ENPP3: variants seen among roughly 807,000 people sequenced by gnomAD.
ENPP3 encodes the protein ectonucleotide pyrophosphatase/phosphodiesterase family member 3.
Under a neutral mutation model 117.8 loss-of-function variants are expected in ENPP3, and 104 were observed. That is an observed-to-expected ratio of 0.88 (90% CI 0.75 to 1.04). The LOEUF is 1.04. Ranked by LOEUF, ENPP3 falls within the 50% of genes least tolerant of loss-of-function variation. The pLI, the probability that ENPP3 is intolerant of heterozygous loss-of-function variation, is 0.00. For synonymous variants in ENPP3, 380 were observed against 349.9 expected, an observed-to-expected ratio of 1.09 and a Z score of -0.96; for missense variants, 1,026 against 1,051.9, an observed-to-expected ratio of 0.98 and a Z score of 0.34.
intron 4 of ENPP3, 51 bp from the exon 5 acceptor site, chr6:131,652,780 A>G (rs1227966590): frequency 1.9e-6 from 3 of 1,586,700 alleles, no homozygotes; most frequent in Non-Finnish European, 2.6e-6. Flanking sequence ...ATCTTTAGTT[A>G]CTCTGTCTGT....
chr6:131,669,838 C>T, intron 6 of ENPP3, among the ~76,000 whole-genome samples: 1 of 152,050 alleles, frequency 6.6e-6, no homozygotes. Flanking sequence ...AGACCAACCC[C>T]ATGTCTATTT....
intron 21 of ENPP3, among the ~76,000 whole-genome samples, chr6:131,735,954 CAG>C (rs1300042620): frequency 1.3e-5 from 2 of 152,156 alleles, no homozygotes; most frequent in African/African-American, 4.8e-5. Context: ...AAATTGTTAA[CAG>C]AGTAGATTTC....
At chr6:131,648,867 T>C (rs1215373673) in intron 2 of ENPP3, among the ~76,000 whole-genome samples, 1 of 152,248 alleles carries the variant, frequency 6.6e-6, no homozygotes, top group Non-Finnish European at 1.5e-5. Context: ...CCATTGCTTC[T>C]TATTCCTAAT....
chr6:131,650,256 G>A, intron 3 of ENPP3, 107 bp downstream of exon 3: 2 of 1,252,430 alleles, frequency 1.6e-6, no homozygotes, highest in Non-Finnish European at 1.1e-6. Context: ...GTGTCACTCT[G>A]TTGCCTAGGC....
intron 6 of ENPP3, among the ~76,000 whole-genome samples, chr6:131,667,886 T>G (rs1778650900): frequency 2.0e-5 from 3 of 151,316 alleles, no homozygotes; most frequent in African/African-American, 4.9e-5. Flanking sequence ...CTTTTGACCC[T>G]TCTTCTTTAT....
intron 24 of ENPP3, among the ~76,000 whole-genome samples, chr6:131,745,275 T>C (rs1780612901): frequency 6.6e-6 from 1 of 152,098 alleles, no homozygotes; most frequent in South Asian, 2.1e-4. Context: ...TTTTTTTTTT[T>C]TTAATATTAG....
At chr6:131,677,701 T>C (rs189732882) in intron 10 of ENPP3, among the ~76,000 whole-genome samples, 167 bp from the exon 11 acceptor site, 113 of 152,270 alleles carry the variant, frequency 7.4e-4, no homozygotes, top group Admixed American at 2.3e-3. Flanking sequence ...TTAGGAAACC[T>C]ATCCTTGCTG....
chr6:131,649,163 T>C (rs1352375284), intron 2 of ENPP3, among the ~76,000 whole-genome samples: 1 of 152,188 alleles, frequency 6.6e-6, no homozygotes, highest in East Asian at 1.9e-4. Flanking sequence ...CAGGCCCTTA[T>C]CATTTTTTTG....
chr6:131,696,721 C>T (rs935463114), intron 15 of ENPP3, among the ~76,000 whole-genome samples: 6 of 151,162 alleles, frequency 4.0e-5, no homozygotes, highest in African/African-American at 1.5e-4. Flanking sequence ...TGCCAGGCCG[C>T]GTCCTTCAAA....
chr6:131,639,103 T>A (rs965221686), intron 1 of ENPP3, among the ~76,000 whole-genome samples: 3 of 152,090 alleles, frequency 2.0e-5, no homozygotes, highest in African/African-American at 7.2e-5. Flanking sequence ...TCTCCAGAAT[T>A]GTTTCAAGAA....
At chr6:131,652,913 AT>A in intron 5 of ENPP3, 22 bp downstream of exon 5, 1 of 1,542,040 alleles carries the variant, frequency 6.5e-7, no homozygotes, top group South Asian at 1.1e-5. Context: ...TGATACAGGG[AT>A]TTTTATCCTC....
intron 6 of ENPP3, among the ~76,000 whole-genome samples, chr6:131,659,216 G>C (rs1284041353): frequency 6.6e-6 from 1 of 152,138 alleles, no homozygotes; most frequent in Admixed American, 6.5e-5. Flanking sequence ...GGGAGGTGGA[G>C]GCTAGAGCAT....
At chr6:131,696,847 G>T (rs1405959250) in intron 15 of ENPP3, among the ~76,000 whole-genome samples, 2 of 144,520 alleles carry the variant, frequency 1.4e-5, no homozygotes, top group Non-Finnish European at 3.0e-5. Context: ...TCGGCTCATT[G>T]CAAGCTCCGC....
intron 20 of ENPP3, among the ~76,000 whole-genome samples, chr6:131,728,504 T>G (rs910995418): frequency 6.6e-6 from 1 of 152,238 alleles, no homozygotes; most frequent in Non-Finnish European, 1.5e-5. Context: ...AGTACTTGTG[T>G]ATTTCTCCTT....
intron 2 of ENPP3, among the ~76,000 whole-genome samples, chr6:131,648,742 A>G (rs1036125873): frequency 6.6e-6 from 1 of 152,202 alleles, no homozygotes; most frequent in Non-Finnish European, 1.5e-5. Context: ...CAGGATGCAA[A>G]GCAGAAAGCA....
intron 20 of ENPP3, among the ~76,000 whole-genome samples, chr6:131,730,955 CT>C (rs1780267912): frequency 6.6e-6 from 1 of 151,374 alleles, no homozygotes; most frequent in African/African-American, 2.4e-5. Context: ...GGCTGATTCT[CT>C]AATGTGTTTG....
chr6:131,651,437 A>G (rs1019568272), intron 3 of ENPP3, among the ~76,000 whole-genome samples: 15 of 152,240 alleles, frequency 9.9e-5, no homozygotes, highest in African/African-American at 3.1e-4. Flanking sequence ...CTGTATCATT[A>G]CATATGTTTC....
At position 131,744,885 on chromosome 6, in the gene ENPP3, A is replaced by G. The variant is rs116093833; in HGVS notation, c.2458-1901A>G. Among the ~76,000 whole-genome samples, 1,056 of 152,162 alleles carry G rather than the reference A, an allele frequency of 6.9e-3. 6 individuals carry two copies. The highest frequency in any genetic ancestry group is 0.024 in the African/African-American group (990 of 41,506). ...TATAGCTCATAAAACTGTATAGCCT[A>G]TTCTGTTGGCATGGACTAGTGCAGC... On this transcript the variant is annotated intron_variant, in intron 24 of 24. Coordinates refer to ENST00000357639, the MANE Select transcript of ENPP3 (RefSeq NM_005021.5).
At position 131,652,570 on chromosome 6, in the gene ENPP3, T is replaced by C; in HGVS notation, c.306T>C (p.Arg102=). The stretch of plus-strand genomic sequence containing the variant: ...GAATATGGATGTGCAATAAATTTCG[T>C]TGTGGAGAGACCAGATTAGAGGCCA... ...STRIWMCNKF[R]CGETRLEASL... Residue 102 remains arginine (R), a synonymous_variant, in exon 4 of 25, where the codon CGT becomes CGC. Coordinates refer to ENST00000357639, the MANE Select transcript of ENPP3 (RefSeq NM_005021.5). 1 of 1,614,070 alleles carries C rather than the reference T, an allele frequency of 6.2e-7. No individual in the cohort carries two copies. The highest frequency in any genetic ancestry group is 8.5e-7 in the Non-Finnish European group (1 of 1,179,930).
Sources: gnomAD v4.1 joint callset for allele counts (sites outside exome capture counted in the v4.1 genomes callset) on GRCh38, gnomAD v4.1.1 for gene constraint, MANE v1.5 for transcripts, NCBI Gene and HGNC (gene_info 2026-07-23, HGNC 2026-07-21) for gene names.